BABAM2: variants seen among roughly 807,000 people sequenced by gnomAD.
BABAM2 encodes BRISC and BRCA1 A complex member 2.
In BABAM2, 31 loss-of-function variants were observed where a neutral mutation model predicts 54.7. The observed-to-expected ratio is 0.57, with a 90% CI of 0.43 to 0.77. The LOEUF is 0.77. Among genes scored for constraint, BABAM2 ranks in the 30% least tolerant of loss-of-function variants. BABAM2 has a pLI of 0.00. For synonymous variants in BABAM2, 167 were observed against 162.9 expected (o/e 1.03, Z -0.19); for missense variants, 364 against 455.8 (o/e 0.80, Z 1.83).
chr2:28,252,349 AACT>A (rs1365975010), intron 10 of BABAM2, among the ~76,000 whole-genome samples: 2 of 152,184 alleles, frequency 1.3e-5, no homozygotes, highest in African/African-American at 4.8e-5. Flanking sequence ...TAATTATGGG[AACT>A]ACTGAGTCCT....
intron 7 of BABAM2, among the ~76,000 whole-genome samples, chr2:28,154,244 T>C (rs758738570): frequency 6.6e-6 from 1 of 152,214 alleles, no homozygotes; most frequent in Non-Finnish European, 1.5e-5. Context: ...TAAAGTGCCA[T>C]ATTAAACAAA....
rs1451650849 is a variant in BABAM2 at position 28,013,730 on chromosome 2, C to T, written c.301-11496C>T. Among the ~76,000 whole-genome samples, 16 of 136,916 alleles carry T rather than the reference C, an allele frequency of 1.2e-4. No individual in the cohort carries two copies. The East Asian group carries it at 1.3e-3, about 11-fold the overall frequency. 89.8% of individuals were successfully genotyped at this position (136,916 alleles called of 152,430 possible). On this transcript the variant is annotated intron_variant, in intron 4 of 11. Transcript: ENST00000379624. ...ACACACACACACACACACACACACA[C>T]GTGTGTGTGTGTACACGTGGCTCAC... is the stretch of plus-strand genomic sequence containing the variant.
intron 2 of BABAM2, among the ~76,000 whole-genome samples, chr2:27,924,399 T>G (rs1325571579): frequency 6.6e-6 from 1 of 152,144 alleles, no homozygotes; most frequent in Non-Finnish European, 1.5e-5. Context: ...GCTCTTTTTT[T>G]TTTTAGGCAG....
chr2:28,075,187 A>G (rs1327171304), intron 6 of BABAM2, among the ~76,000 whole-genome samples: 1 of 152,212 alleles, frequency 6.6e-6, no homozygotes, highest in Non-Finnish European at 1.5e-5. Context: ...AAGTTCTAAC[A>G]AGCAAGCCTT....
chr2:28,101,969 C>A (rs533942317), intron 6 of BABAM2, among the ~76,000 whole-genome samples: 3 of 152,124 alleles, frequency 2.0e-5, no homozygotes, highest in Admixed American at 2.0e-4. Flanking sequence ...TGCAGTAGCT[C>A]TCTGTAGTTG....
At chr2:28,021,240 T>A (rs909129510) in intron 4 of BABAM2, among the ~76,000 whole-genome samples, 1 of 152,134 alleles carries the variant, frequency 6.6e-6, no homozygotes. Flanking sequence ...AAGTTGAAAG[T>A]AAGACACTGA....
intron 7 of BABAM2, among the ~76,000 whole-genome samples, chr2:28,232,009 T>C (rs1338614391): frequency 6.6e-6 from 1 of 151,946 alleles, no homozygotes; most frequent in African/African-American, 2.4e-5. Flanking sequence ...TCTCGCTATG[T>C]TGCCCAGGCT....
chr2:27,961,595 C>A (rs1485731098), intron 3 of BABAM2, among the ~76,000 whole-genome samples: 3 of 152,026 alleles, frequency 2.0e-5, no homozygotes, highest in Non-Finnish European at 2.9e-5. Context: ...GGGAGGTAAC[C>A]CCATTGTAAG....
chr2:28,053,895 T>C (rs1678191550), intron 6 of BABAM2, among the ~76,000 whole-genome samples: 1 of 152,180 alleles, frequency 6.6e-6, no homozygotes, highest in South Asian at 2.1e-4. Flanking sequence ...TTTATTTTCA[T>C]GTTTGAGATG....
At chr2:28,116,709 A>G (rs546679799) in intron 6 of BABAM2, among the ~76,000 whole-genome samples, 86 of 152,344 alleles carry the variant, frequency 5.6e-4, no homozygotes, top group Non-Finnish European at 9.8e-4. Flanking sequence ...ATATCAGACC[A>G]AGAGTCTGAA....
intron 3 of BABAM2, among the ~76,000 whole-genome samples, chr2:27,965,880 G>A (rs932198825): frequency 6.7e-6 from 1 of 150,042 alleles, no homozygotes. Flanking sequence ...TCTTCTCTTG[G>A]TTCTCATTTC....
At position 28,040,294 on chromosome 2, in the gene BABAM2, C is replaced by CTTTTTTTTTTTTT. The variant is rs397735161; in HGVS notation, c.496-5419_496-5407dup. Among the ~76,000 whole-genome samples, 23 of 59,490 alleles carry CTTTTTTTTTTTTT rather than the reference C, an allele frequency of 3.9e-4. 2 individuals are homozygous for CTTTTTTTTTTTTT. Among genetic ancestry groups the CTTTTTTTTTTTTT allele is most frequent in the Non-Finnish European group, 4.8e-4 (16 of 33,470 alleles). The allele number at this position is 59,490 out of a possible 152,430, so 39.0% of individuals were successfully genotyped here. A position where few individuals can be genotyped will look rare whatever the true frequency, so the allele number is the denominator to read the frequency against. ...CAGTGCCAGAATGAAAAACTGAATTCTTTTTTTTTTTTTTTTTTTTTTTTG... is the reference window on the plus strand; with the variant it reads ...CAGTGCCAGAATGAAAAACTGAATTCTTTTTTTTTTTTTTTTTTTTTTTTTTTTTTTTTTTTTG... On this transcript the variant is annotated intron_variant, in intron 5 of 11. Coordinates refer to ENST00000379624, the MANE Select transcript of BABAM2 (RefSeq NM_199191.3).
intron 7 of BABAM2, among the ~76,000 whole-genome samples, chr2:28,159,690 G>A (rs1439785469): frequency 1.3e-5 from 2 of 152,090 alleles, no homozygotes; most frequent in East Asian, 1.9e-4. Context: ...GACCAGCCTG[G>A]CCAACATGGC....
intron 5 of BABAM2, among the ~76,000 whole-genome samples, chr2:28,037,430 T>C (rs1442591068): frequency 6.6e-6 from 1 of 152,220 alleles, no homozygotes. Context: ...TATTACATTG[T>C]ATAATTGAAT....
chr2:28,061,766 T>C (rs6758799), intron 6 of BABAM2, among the ~76,000 whole-genome samples: 110,707 of 151,628 alleles, frequency 0.73, 41,571 homozygotes, highest in Middle Eastern at 0.89. Context: ...GTGATAAAAT[T>C]TCAATAACTT....
chr2:28,304,772 G>T lies in BABAM2; in HGVS notation c.1088+6281G>T, dbSNP rs1249653661. Among the ~76,000 whole-genome samples the T allele has an allele frequency of 6.6e-6, 1 of 151,996 alleles. No homozygotes were observed. The highest frequency in any genetic ancestry group is 2.4e-5 in the African/African-American group (1 of 41,390). On this transcript the variant is annotated intron_variant, in intron 11 of 11. Transcript: ENST00000379624. This position sits in a 1 kb window ranked among gnomAD's most constrained non-coding sequence, Gnocchi z 4.0. ...TTGTATTTTTTTTTTAGTAGAGACGGAGTTTTACCATGTTGCCCAGGCTGG... is the reference window on the plus strand; with the variant it reads ...TTGTATTTTTTTTTTAGTAGAGACGTAGTTTTACCATGTTGCCCAGGCTGG...
chr2:28,198,628 C>G (rs912913808), intron 7 of BABAM2, among the ~76,000 whole-genome samples: 4 of 152,124 alleles, frequency 2.6e-5, no homozygotes, highest in Non-Finnish European at 5.9e-5. Context: ...TCCCCCTTGC[C>G]TTTAGCTCCA....
chr2:28,149,790 C>T (rs886151817), intron 7 of BABAM2, among the ~76,000 whole-genome samples: 2 of 152,086 alleles, frequency 1.3e-5, no homozygotes, highest in African/African-American at 4.8e-5. Flanking sequence ...AGTCAGTGTC[C>T]CTGGCACTTT....
At chr2:28,112,153 C>CTTTCTTTCTTTCTTTCTTT (rs1558346881) in intron 6 of BABAM2, among the ~76,000 whole-genome samples, 1 of 7,924 alleles carries the variant, frequency 1.3e-4, no homozygotes, top group Admixed American at 1.4e-3. Context: ...TTCTTTACCT[C>CTTTCTTTCTTTCTTTCTTT]CCTCCCTCCC....
Sources: gnomAD v4.1 joint callset for allele counts (sites outside exome capture counted in the v4.1 genomes callset) on GRCh38, gnomAD v4.1.1 for gene constraint, Gnocchi (gnomAD v3.1) non-coding constraint, MANE v1.5 for transcripts, NCBI Gene and HGNC (gene_info 2026-07-23, HGNC 2026-07-21) for gene names.